The following MRPL48 variants were observed in gnomAD, a reference collection of about 807,000 sequenced individuals.
MRPL48 encodes the protein mitochondrial ribosomal protein L48.
A neutral mutation model predicts 32.9 loss-of-function variants in MRPL48; 16 were observed. The ratio of observed to expected loss-of-function variants is 0.49; its 90% CI spans 0.33 to 0.74. MRPL48 has a LOEUF of 0.74. Ranked by LOEUF, MRPL48 falls within the 30% of genes least tolerant of loss-of-function variation. The pLI is 0.02. For synonymous variants in MRPL48, 94 were observed against 89.2 expected, an observed-to-expected ratio of 1.05 and a Z score of -0.31; for missense variants, 206 against 245.3, an observed-to-expected ratio of 0.84 and a Z score of 1.07.
intron 1 of MRPL48, among the ~76,000 whole-genome samples, chr11:73,793,833 G>A (rs537304875): frequency 5.3e-5 from 8 of 151,148 alleles, no homozygotes; most frequent in Admixed American, 2.0e-4. Context: ...ACCAGCCTGG[G>A]CAACATGGCG....
intron 4 of MRPL48, among the ~76,000 whole-genome samples, chr11:73,835,744 C>T (rs1276880572): frequency 2.6e-5 from 4 of 151,754 alleles, no homozygotes; most frequent in African/African-American, 9.7e-5. Flanking sequence ...ACTAAAAATA[C>T]AAAATTACCC....
chr11:73,851,123 T>C (rs1948383052), intron 5 of MRPL48: 2 of 460,484 alleles, frequency 4.3e-6, no homozygotes, highest in East Asian at 6.2e-5. Flanking sequence ...TACTATTTTC[T>C]GTCATCACTT....
At chr11:73,793,561 A>T (rs1947191169) in intron 1 of MRPL48, among the ~76,000 whole-genome samples, 1 of 152,190 alleles carries the variant, frequency 6.6e-6, no homozygotes, top group African/African-American at 2.4e-5. Flanking sequence ...ATTTAGAGAA[A>T]ATATATTCCA....
chr11:73,858,593 T>C (rs1338061517), intron 5 of MRPL48, among the ~76,000 whole-genome samples: 3 of 152,334 alleles, frequency 2.0e-5, no homozygotes, highest in South Asian at 2.1e-4. Flanking sequence ...TAAACTTCTT[T>C]TGTAGAGGTC....
chr11:73,812,959 C>G (rs1223878915), intron 3 of MRPL48, among the ~76,000 whole-genome samples: 1 of 151,110 alleles, frequency 6.6e-6, no homozygotes, highest in Non-Finnish European at 1.5e-5. Context: ...CCATGTTGGC[C>G]AGGCTGGTCT....
intron 5 of MRPL48, among the ~76,000 whole-genome samples, chr11:73,846,659 CCTTT>C (rs1211333709): frequency 6.9e-6 from 1 of 145,108 alleles, no homozygotes; most frequent in African/African-American, 2.6e-5. Context: ...GTGCCCACCT[CCTTT>C]CTTTTTTTTT....
At chr11:73,826,629 C>T (rs947891486) in intron 4 of MRPL48, among the ~76,000 whole-genome samples, 1 of 152,084 alleles carries the variant, frequency 6.6e-6, no homozygotes, top group African/African-American at 2.4e-5. Flanking sequence ...TAGGCGTCCG[C>T]TGCCACACCT....
intron 3 of MRPL48, 124 bp from the exon 4 acceptor site, chr11:73,825,584 C>A: frequency 2.5e-6 from 2 of 800,612 alleles, no homozygotes; most frequent in South Asian, 1.8e-5. Flanking sequence ...AAGTTCGAGG[C>A]TTCAATGAGC....
At chr11:73,793,724 A>G (rs925967202) in intron 1 of MRPL48, among the ~76,000 whole-genome samples, 1 of 151,996 alleles carries the variant, frequency 6.6e-6, no homozygotes, top group African/African-American at 2.4e-5. Flanking sequence ...GAATTGAGGT[A>G]AGGGATTGGA....
At chr11:73,857,028 A>G (rs1007857769) in intron 5 of MRPL48, among the ~76,000 whole-genome samples, 3 of 152,124 alleles carry the variant, frequency 2.0e-5, no homozygotes, top group East Asian at 3.9e-4. Flanking sequence ...TCTTGTCCCT[A>G]TAGTATTCGG....
chr11:73,847,687 G>C (rs1948319780), intron 5 of MRPL48, among the ~76,000 whole-genome samples: 1 of 152,030 alleles, frequency 6.6e-6, no homozygotes, highest in African/African-American at 2.4e-5. Flanking sequence ...CTCGTGATCT[G>C]CCCGCTTCGG....
intron 4 of MRPL48, chr11:73,843,221 C>CTTTTT (rs543502031): frequency 0.046 from 6,299 of 136,488 alleles, 162 homozygotes; most frequent in Middle Eastern, 0.068. Context: ...TTTGTTTTAA[C>CTTTTT]TTTTTTTTTT....
chr11:73,790,880 C>CTTTTTTTTTT (rs71469471), intron 1 of MRPL48, among the ~76,000 whole-genome samples: 54 of 86,378 alleles, frequency 6.3e-4, no homozygotes, highest in Non-Finnish European at 7.6e-4. Context: ...CTTTTCTGTT[C>CTTTTTTTTTT]TTTTTTTTTT....
At chr11:73,799,469 T>C (rs1370621972) in intron 1 of MRPL48, among the ~76,000 whole-genome samples, 1 of 152,224 alleles carries the variant, frequency 6.6e-6, no homozygotes, top group Non-Finnish European at 1.5e-5. Context: ...TATATAGTAG[T>C]AGAGAGAGCT....
intron 3 of MRPL48, among the ~76,000 whole-genome samples, chr11:73,820,132 A>G (rs1442608172): frequency 1.3e-5 from 2 of 152,154 alleles, no homozygotes; most frequent in Non-Finnish European, 2.9e-5. Context: ...AAAAATATAT[A>G]TCAGACATAT....
intron 3 of MRPL48, among the ~76,000 whole-genome samples, chr11:73,819,716 TTAA>T (rs1947738517): frequency 6.6e-6 from 1 of 151,866 alleles, no homozygotes; most frequent in Non-Finnish European, 1.5e-5. Context: ...AATCCACAAA[TTAA>T]CCTGGTGTGG....
chr11:73,859,877 C>T, intron 5 of MRPL48, 30 bp from the exon 6 acceptor site: 1 of 1,589,146 alleles, frequency 6.3e-7, no homozygotes, highest in Non-Finnish European at 8.6e-7. Flanking sequence ...TCAGTGAACA[C>T]TCACTATAGC....
At chr11:73,838,422 AG>A (rs546838585) in intron 4 of MRPL48, among the ~76,000 whole-genome samples, 65 of 152,348 alleles carry the variant, frequency 4.3e-4, no homozygotes, top group Admixed American at 1.1e-3. Context: ...TGAGATGCCA[AG>A]ATGGACACTG....
Position 73,859,917 on chromosome 11 carries a change from C to G in MRPL48, c.382C>G (p.Pro128Ala). 1 of 1,613,584 alleles carries G rather than the reference C, an allele frequency of 6.2e-7. No homozygotes were observed. Among genetic ancestry groups the G allele is most frequent in the Non-Finnish European group, 8.5e-7 (1 of 1,179,770 alleles). ...SIKVEESYAM[P>A]TKTIEVLQLQ... ...TCTTCCTTCCCACAGTTATGCAATG[C>G]CAACCAAAACCATAGAAGTGTTGCA... is the stretch of plus-strand genomic sequence containing the variant. The change falls in exon 6 of 8, where the codon CCA becomes GCA. Residue 128 changes from proline (P) to alanine (A), a missense_variant. By Grantham distance (27) the Pro-to-Ala change is conservative. Transcript: ENST00000310614.
Sources: gnomAD v4.1 joint callset for allele counts (sites outside exome capture counted in the v4.1 genomes callset) on GRCh38, gnomAD v4.1.1 for gene constraint, MANE v1.5 for transcripts, NCBI Gene and HGNC (gene_info 2026-07-23, HGNC 2026-07-21) for gene names.